IPO11: variants seen among roughly 807,000 people sequenced by gnomAD.
IPO11 encodes the protein importin-11.
Under a neutral mutation model 143.2 loss-of-function variants are expected in IPO11, and 66 were observed. The ratio of observed to expected loss-of-function variants is 0.46; its 90% confidence interval spans 0.38 to 0.57. The LOEUF (loss-of-function observed/expected upper bound fraction) is 0.57, where lower values mean the gene tolerates loss of function less well. IPO11 is among the 20% of genes least tolerant of loss of function. The probability of loss-of-function intolerance (pLI) is 0.00; values close to 1 mark genes in which losing one functional copy is unlikely to be tolerated. For missense variants in IPO11, 1,026 were observed against 1,141.0 expected, an observed-to-expected ratio of 0.90 and a Z score of 1.45; for synonymous variants, 385 against 377.8, an observed-to-expected ratio of 1.02 and a Z score of -0.22.
chr5:62,519,111 T>C (rs906110202), intron 20 of IPO11, among the ~76,000 whole-genome samples: 2 of 151,986 alleles, frequency 1.3e-5, no homozygotes, highest in Non-Finnish European at 2.9e-5. Context: ...TGTTAAATAG[T>C]GTTGTTAAAT....
chr5:62,459,493 T>A (rs1745282549), intron 5 of IPO11, among the ~76,000 whole-genome samples: 1 of 152,120 alleles, frequency 6.6e-6, no homozygotes, highest in African/African-American at 2.4e-5. Flanking sequence ...TCTGGCTTGA[T>A]ACATTTTGGT....
intron 5 of IPO11, among the ~76,000 whole-genome samples, chr5:62,460,147 G>C (rs978203689): frequency 6.6e-6 from 1 of 152,082 alleles, no homozygotes; most frequent in Non-Finnish European, 1.5e-5. Context: ...TTATCATCCT[G>C]AAGAAGTAAA....
At chr5:62,607,242 T>G (rs1745756552) in intron 29 of IPO11, among the ~76,000 whole-genome samples, 1 of 152,236 alleles carries the variant, frequency 6.6e-6, no homozygotes, top group South Asian at 2.1e-4. Flanking sequence ...CTTGTACTTG[T>G]TAGAATTTAG....
At chr5:62,485,093 G>C (rs1746351853) in intron 11 of IPO11, among the ~76,000 whole-genome samples, 1 of 152,050 alleles carries the variant, frequency 6.6e-6, no homozygotes, top group Non-Finnish European at 1.5e-5. Context: ...GAAATGAAAT[G>C]ATTCTCAGAA....
At chr5:62,502,405 G>A (rs1211961929) in intron 16 of IPO11, among the ~76,000 whole-genome samples, 1 of 152,112 alleles carries the variant, frequency 6.6e-6, no homozygotes, top group Admixed American at 6.6e-5. Flanking sequence ...TTTCTTTGTG[G>A]TAAGTACCTC....
At chr5:62,542,931 G>A (rs563511936) in intron 24 of IPO11, among the ~76,000 whole-genome samples, 132 of 152,226 alleles carry the variant, frequency 8.7e-4, no homozygotes, top group African/African-American at 3.0e-3. Context: ...GTAACTTATT[G>A]TGTAATAATA....
At chr5:62,482,408 TC>T (rs1665141270) in intron 9 of IPO11, among the ~76,000 whole-genome samples, 1 of 152,234 alleles carries the variant, frequency 6.6e-6, no homozygotes, top group South Asian at 2.1e-4. Flanking sequence ...TTTCCTGCTT[TC>T]TCTTGTGGAC....
intron 16 of IPO11, among the ~76,000 whole-genome samples, chr5:62,495,557 C>T (rs1741103857): frequency 6.6e-6 from 1 of 152,118 alleles, no homozygotes; most frequent in Non-Finnish European, 1.5e-5. Flanking sequence ...TCATTGTAGC[C>T]TCAATGTCCT....
At chr5:62,418,739 G>A in intron 1 of IPO11, 1 of 249,038 alleles carries the variant, frequency 4.0e-6, no homozygotes, top group Non-Finnish European at 7.7e-6. Context: ...ATTGTACAAG[G>A]GATAAGATAC....
In IPO11 at chr5:62,429,277, A is replaced by G. The variant is rs533003855; in HGVS notation, c.-6-7997A>G. On this transcript the variant is annotated intron_variant, in intron 1 of 29. Transcript: ENST00000325324. ...TGGGAATCATGCAGCTTGTGGTTTT[A>G]TGTGACTGGCTTCTTCTGCTTAGTG... 1.1e-4 allele frequency among the ~76,000 whole-genome samples: 17 copies of G among 152,246 alleles called. No individual in the cohort carries two copies. In the South Asian group the frequency reaches 2.9e-3, roughly 26 times the overall value.
chr5:62,514,387 G>A (rs1741922549), intron 19 of IPO11, among the ~76,000 whole-genome samples: 1 of 152,006 alleles, frequency 6.6e-6, no homozygotes. Context: ...GCTAGGAGCT[G>A]GAGACCAGTC....
intron 27 of IPO11, among the ~76,000 whole-genome samples, chr5:62,584,328 G>A (rs906670293): frequency 6.6e-6 from 1 of 152,086 alleles, no homozygotes; most frequent in African/African-American, 2.4e-5. Context: ...TGGGCACGGT[G>A]ATTCACACCA....
At chr5:62,415,621 G>A (rs1175196008) in intron 1 of IPO11, among the ~76,000 whole-genome samples, 1 of 151,430 alleles carries the variant, frequency 6.6e-6, no homozygotes, top group African/African-American at 2.4e-5. Context: ...GGCATGCACC[G>A]CCATGCCCAG....
chr5:62,446,238 C>T (rs1744716131), intron 3 of IPO11, among the ~76,000 whole-genome samples: 1 of 152,160 alleles, frequency 6.6e-6, no homozygotes, highest in South Asian at 2.1e-4. Context: ...GTTTATAATG[C>T]AAAGACACCT....
At position 62,527,472 on chromosome 5, in the gene IPO11, C is replaced by T. The variant is rs567938616; in HGVS notation, c.2012+1215C>T. Among the ~76,000 whole-genome samples, 6 of 152,282 alleles carry T rather than the reference C, an allele frequency of 3.9e-5. No individual in the cohort carries two copies. In the East Asian group the frequency reaches 9.6e-4, roughly 24 times the overall value. ...ATTTAGCCCATGAGCTGTAGTTTGC[C>T]ATCCTCTGCCCTAGATTGTAAGATA... On this transcript the variant is annotated intron_variant, in intron 21 of 29. Coordinates refer to ENST00000325324, the MANE Select transcript of IPO11 (RefSeq NM_016338.5).
intron 24 of IPO11, among the ~76,000 whole-genome samples, chr5:62,539,445 C>A (rs892027234): frequency 1.8e-4 from 28 of 152,102 alleles, no homozygotes; most frequent in African/African-American, 6.0e-4. Flanking sequence ...CTTCATCTTA[C>A]CTTGATTACA....
chr5:62,499,569 C>CT (rs35545041), intron 16 of IPO11, among the ~76,000 whole-genome samples: 49,621 of 100,364 alleles, frequency 0.49, 13,584 homozygotes, highest in South Asian at 0.59. Context: ...CTTACTCTAA[C>CT]TTTTTTTTTT....
intron 28 of IPO11, chr5:62,601,460 A>G (rs982991796): frequency 5.0e-6 from 1 of 200,152 alleles, no homozygotes; most frequent in Non-Finnish European, 1.0e-5. Flanking sequence ...TATAAAGTGT[A>G]TACATGCATT....
intron 27 of IPO11, among the ~76,000 whole-genome samples, chr5:62,571,688 C>CTTTTT (rs545817315): frequency 7.1e-6 from 1 of 140,810 alleles, no homozygotes. Context: ...CATTATTAAA[C>CTTTTT]TTTTTTTTTT....
Sources: allele counts gnomAD v4.1 joint callset (sites outside exome capture counted in the v4.1 genomes callset), GRCh38; gene constraint gnomAD v4.1.1; transcripts MANE v1.5; gene names NCBI Gene and HGNC (gene_info 2026-07-23, HGNC 2026-07-21).